Variants in SNTG2 observed in about 807,000 individuals in gnomAD.
The protein encoded by SNTG2 is gamma-2-syntrophin.
SNTG2 carries 74 observed loss-of-function variants against 70.9 expected under a neutral mutation model. The observed-to-expected ratio is 1.04, with a 90% CI of 0.86 to 1.27. SNTG2 has a LOEUF of 1.27. Among genes scored for constraint, SNTG2 ranks in the 50% most tolerant of loss-of-function variants. The pLI, the probability that SNTG2 is intolerant of heterozygous loss-of-function variation, is 0.00. For synonymous variants in SNTG2, 278 were observed against 273.8 expected (o/e 1.02, Z -0.15); for missense variants, 717 against 690.7 (o/e 1.04, Z -0.43).
In SNTG2 at chr2:1,183,830, G is replaced by A. The variant is rs559643058; in HGVS notation, c.591+10647G>A. Among the ~76,000 whole-genome samples the A allele has an allele frequency of 5.5e-4, 83 of 152,086 alleles. 1 individual carries two copies. The highest frequency in any genetic ancestry group is 1.8e-3 in the African/African-American group (74 of 41,500). Reference sequence around the variant, plus strand: ...CTAGAATATATAGTTATTCAAAAGAGGAAAGAAGTAAGCATTAAAAAAAGA... The same window carrying A: ...CTAGAATATATAGTTATTCAAAAGAAGAAAGAAGTAAGCATTAAAAAAAGA... On this transcript the variant is annotated intron_variant, in intron 8 of 16. Transcript: ENST00000308624.
Position 1,246,499 on chromosome 2 carries a change from C to T in SNTG2, c.889-828C>T, listed in dbSNP as rs146951042. ...CACTTGAGGGGTGTCCAGGTCCCAGCTGGTTCTCAACTTTTAATAGCTCAT... is the reference window on the plus strand; with the variant it reads ...CACTTGAGGGGTGTCCAGGTCCCAGTTGGTTCTCAACTTTTAATAGCTCAT... On this transcript the variant is annotated intron_variant, in intron 11 of 16. Transcript: ENST00000308624. Among the ~76,000 whole-genome samples the T allele has an allele frequency of 2.2e-3, 332 of 152,322 alleles. 5 individuals carry two copies. The highest frequency in any genetic ancestry group is 7.3e-3 in the African/African-American group (303 of 41,580).
At chr2:1,366,941 T>A (rs9751398) in intron 16 of SNTG2, among the ~76,000 whole-genome samples, 1 of 152,098 alleles carries the variant, frequency 6.6e-6, no homozygotes, top group African/African-American at 2.4e-5. Context: ...AGGGGTCTGC[T>A]GCGACGGGAT....
intron 16 of SNTG2, among the ~76,000 whole-genome samples, chr2:1,350,182 T>G (rs374274095): frequency 6.6e-6 from 1 of 152,142 alleles, no homozygotes; most frequent in South Asian, 2.1e-4. Flanking sequence ...AGGATAATTA[T>G]GGTTTTTTAA....
intron 14 of SNTG2, among the ~76,000 whole-genome samples, chr2:1,295,395 C>T (rs1413221540): frequency 6.6e-6 from 1 of 152,158 alleles, no homozygotes; most frequent in African/African-American, 2.4e-5. Flanking sequence ...TTTTTTAATA[C>T]AAAGTATCCG....
chr2:1,136,479 C>T (rs1457862724), intron 4 of SNTG2, among the ~76,000 whole-genome samples: 1 of 152,134 alleles, frequency 6.6e-6, no homozygotes, highest in African/African-American at 2.4e-5. Flanking sequence ...GATCGCTTAA[C>T]ATCAGTACCA....
At chr2:1,180,829 C>A (rs1671833811) in intron 8 of SNTG2, among the ~76,000 whole-genome samples, 3 of 151,996 alleles carry the variant, frequency 2.0e-5, no homozygotes, top group Admixed American at 2.0e-4. Flanking sequence ...AAATGTCCAA[C>A]AATGATAGAC....
intron 16 of SNTG2, among the ~76,000 whole-genome samples, chr2:1,349,670 A>G (rs1462275426): frequency 2.6e-5 from 4 of 152,260 alleles, no homozygotes; most frequent in African/African-American, 4.8e-5. Context: ...TCTCACCTTC[A>G]TAAGTTTCAC....
At chr2:1,104,767 C>G (rs189534853) in intron 4 of SNTG2, among the ~76,000 whole-genome samples, 106 of 152,342 alleles carry the variant, frequency 7.0e-4, no homozygotes, top group Middle Eastern at 3.4e-3. Context: ...GCTTGCTCTT[C>G]TCACTGAACG....
chr2:1,124,574 G>A (rs1667590104), intron 4 of SNTG2, among the ~76,000 whole-genome samples: 1 of 152,126 alleles, frequency 6.6e-6, no homozygotes, highest in African/African-American at 2.4e-5. Flanking sequence ...GGGATTACAG[G>A]CGTGAGCCAC....
intron 6 of SNTG2, among the ~76,000 whole-genome samples, chr2:1,153,710 C>T (rs1183040803): frequency 2.0e-5 from 3 of 152,170 alleles, no homozygotes; most frequent in Non-Finnish European, 4.4e-5. Context: ...TAACTAATTG[C>T]ACGGAGCAGT....
In SNTG2 at chr2:1,119,349, C is replaced by T. The variant is rs536022684; in HGVS notation, c.326-18273C>T. Among the ~76,000 whole-genome samples, 26 of 152,234 alleles carry T rather than the reference C, an allele frequency of 1.7e-4. No individual in the cohort carries two copies. The East Asian group carries it at 3.7e-3, about 21-fold the overall frequency. On this transcript the variant is annotated intron_variant, in intron 4 of 16. Transcript: ENST00000308624. ...AATACACTTGAAGGTACCAAACTCA[C>T]GGGTAGAAGGAAGTACGTAGTCAAA...
intron 4 of SNTG2, among the ~76,000 whole-genome samples, chr2:1,131,327 G>C (rs925704444): frequency 1.3e-5 from 2 of 152,138 alleles, no homozygotes; most frequent in African/African-American, 2.4e-5. Flanking sequence ...TTTCTTATCA[G>C]GAGGTAAAAA....
intron 8 of SNTG2, among the ~76,000 whole-genome samples, chr2:1,181,936 A>G (rs753599076): frequency 7.2e-5 from 11 of 152,172 alleles, no homozygotes; most frequent in Non-Finnish European, 1.5e-4. Context: ...CATTAATATC[A>G]TGCGTTTAGG....
chr2:1,294,955 G>A (rs567955315), intron 14 of SNTG2, among the ~76,000 whole-genome samples: 17 of 152,276 alleles, frequency 1.1e-4, no homozygotes, highest in African/African-American at 3.8e-4. Flanking sequence ...AGTGTGGCTC[G>A]TCTTCTGACC....
chr2:1,142,301 C>T (rs1158868286), intron 6 of SNTG2, among the ~76,000 whole-genome samples: 1 of 152,200 alleles, frequency 6.6e-6, no homozygotes, highest in African/African-American at 2.4e-5. Flanking sequence ...CCCTGCCACC[C>T]ATGAAGGGAA....
intron 1 of SNTG2, among the ~76,000 whole-genome samples, chr2:1,031,528 A>ATATATATATATATATCTATATTTTTT: frequency 1.7e-5 from 1 of 59,142 alleles, no homozygotes; most frequent in Admixed American, 2.1e-4. Flanking sequence ...ATATATATAT[A>ATATATATATATATATCTATATTTTTT]TTTTTTTTTT....
Position 1,083,512 on chromosome 2 carries a change from CT to C in SNTG2, c.73-5del. The C allele has an allele frequency of 1.2e-6, 2 of 1,613,508 alleles. No homozygotes were observed. The highest frequency in any genetic ancestry group is 1.7e-6 in the Non-Finnish European group (2 of 1,179,580). ...ATTTTTTTGTGTTTCCACTTTGTCC[CT>C]ACAGACGAAAACCACTATTGCTCTG... On this transcript the variant is annotated splice_polypyrimidine_tract_variant and splice_region_variant and intron_variant, in intron 1 of 16. Coordinates refer to ENST00000308624, the MANE Select transcript of SNTG2 (RefSeq NM_018968.4).
At chr2:998,737 T>G (rs1661774900) in intron 1 of SNTG2, among the ~76,000 whole-genome samples, 1 of 151,992 alleles carries the variant, frequency 6.6e-6, no homozygotes, top group Non-Finnish European at 1.5e-5. Flanking sequence ...GAAAATAAAT[T>G]CCCTCATCTT....
At chr2:1,184,846 T>G (rs1487698642) in intron 8 of SNTG2, among the ~76,000 whole-genome samples, 1 of 152,200 alleles carries the variant, frequency 6.6e-6, no homozygotes, top group African/African-American at 2.4e-5. Context: ...TCTCATGTCC[T>G]TCTCACATTG....
Sources: allele counts gnomAD v4.1 joint callset (sites outside exome capture counted in the v4.1 genomes callset), GRCh38; gene constraint gnomAD v4.1.1; transcripts MANE v1.5; gene names NCBI Gene and HGNC (gene_info 2026-07-23, HGNC 2026-07-21).